ACTN2: variants seen among roughly 807,000 people sequenced by gnomAD.
ACTN2 encodes the protein alpha-actinin-2.
In ACTN2, 39 loss-of-function variants were observed where a neutral mutation model predicts 113.8. That is an observed-to-expected ratio of 0.34 (90% CI 0.27 to 0.45). ACTN2 has a LOEUF of 0.45. Ranked by LOEUF, ACTN2 falls within the 20% of genes least tolerant of loss-of-function variation. ACTN2 has a pLI of 1.00. For synonymous variants in ACTN2, 429 were observed against 444.1 expected (o/e 0.97, Z 0.43); for missense variants, 992 against 1,177.9 (o/e 0.84, Z 2.31).
intron 7 of ACTN2, chr1:236,734,289 T>A: frequency 1.8e-6 from 1 of 545,488 alleles, no homozygotes; most frequent in East Asian, 3.1e-5. Context: ...TGTGACTTCT[T>A]TGATTTGAGC....
intron 20 of ACTN2, 44 bp from the exon 21 acceptor site, chr1:236,762,417 G>C: frequency 6.2e-7 from 1 of 1,611,910 alleles, no homozygotes; most frequent in Non-Finnish European, 8.5e-7. Flanking sequence ...TTATGTTGTG[G>C]TGTTTCTGCA....
Position 236,710,906 on chromosome 1 carries a change from G to A in ACTN2, c.127-6952G>A, listed in dbSNP as rs145970879. 5.3e-5 allele frequency among the ~76,000 whole-genome samples: 8 copies of A among 149,992 alleles called. No homozygotes were observed. In the South Asian group the frequency reaches 1.3e-3, roughly 24 times the overall value. ...CATCCCCCTTCCCTACCCCCCACCC[G>A]TGGAAAAATTGTCTTCCACGAAACC... is the stretch of plus-strand genomic sequence containing the variant. On this transcript the variant is annotated intron_variant, in intron 1 of 20. Coordinates refer to ENST00000366578, the MANE Select transcript of ACTN2 (RefSeq NM_001103.4).
At chr1:236,745,477 C>T (rs1453080667) in intron 12 of ACTN2, among the ~76,000 whole-genome samples, 1 of 152,176 alleles carries the variant, frequency 6.6e-6, no homozygotes, top group Non-Finnish European at 1.5e-5. Context: ...AAAGTGGGCA[C>T]TGCCTCACGT....
rs563533990 is a variant in ACTN2 at position 236,754,274 on chromosome 1, T to C, written c.1974+193T>C. 6.6e-6 allele frequency among the ~76,000 whole-genome samples: 1 copy of C among 152,288 alleles called. No homozygotes were observed. Among genetic ancestry groups the C allele is most frequent in the African/African-American group, 2.4e-5 (1 of 41,568 alleles). On this transcript the variant is annotated intron_variant, in intron 16 of 20. Coordinates refer to ENST00000366578, the MANE Select transcript of ACTN2 (RefSeq NM_001103.4). This position sits in a 1 kb window ranked among gnomAD's most constrained non-coding sequence, Gnocchi z 4.9. ...ACAGTGTGCAAACCAGAGCACAATA[T>C]GGAATGCAGGAAGGCGGCACTCAAG...
At chr1:236,700,492 G>A (rs1657640378) in intron 1 of ACTN2, among the ~76,000 whole-genome samples, 1 of 152,160 alleles carries the variant, frequency 6.6e-6, no homozygotes, top group Non-Finnish European at 1.5e-5. Context: ...AGTCAGTACT[G>A]GTAGTACATT....
At chr1:236,703,962 T>A (rs1377624785) in intron 1 of ACTN2, among the ~76,000 whole-genome samples, 1 of 152,192 alleles carries the variant, frequency 6.6e-6, no homozygotes, top group African/African-American at 2.4e-5. Context: ...TACTTTAGCT[T>A]CTTGATAAAT....
intron 15 of ACTN2, among the ~76,000 whole-genome samples, chr1:236,752,840 G>A (rs10802559): frequency 0.84 from 127,984 of 152,106 alleles, 54,033 homozygotes; most frequent in South Asian, 0.88. Context: ...GGTGTGAGCC[G>A]TCACGCCTGG....
chr1:236,760,446 G>T (rs1659673278), intron 19 of ACTN2, among the ~76,000 whole-genome samples: 1 of 152,202 alleles, frequency 6.6e-6, no homozygotes, highest in African/African-American at 2.4e-5. Flanking sequence ...GATTTTTCAA[G>T]TGCTTTTTCC....
intron 1 of ACTN2, among the ~76,000 whole-genome samples, chr1:236,709,344 G>GTA (rs143270971): frequency 0.11 from 15,351 of 133,584 alleles, 1,232 homozygotes; most frequent in Middle Eastern, 0.2. Context: ...ATATATACGT[G>GTA]TATATATATA....
chr1:236,687,018 G>A (rs1187140832), intron 1 of ACTN2, among the ~76,000 whole-genome samples: 1 of 151,958 alleles, frequency 6.6e-6, no homozygotes, highest in Non-Finnish European at 1.5e-5. Context: ...CGCGCTAGCA[G>A]CATCGGAGGT....
chr1:236,725,002 T>C (rs1012905825), intron 4 of ACTN2, among the ~76,000 whole-genome samples: 2 of 152,202 alleles, frequency 1.3e-5, no homozygotes, highest in African/African-American at 2.4e-5. Flanking sequence ...ACAAACCAGA[T>C]GAATGACAGA....
chr1:236,759,865 C>T (rs1478792888), intron 19 of ACTN2, 76 bp downstream of exon 19: 1 of 1,405,162 alleles, frequency 7.1e-7, no homozygotes, highest in East Asian at 2.3e-5. Context: ...AGATGACAAG[C>T]TCAAACCAAG....
chr1:236,727,836 C>A, intron 6 of ACTN2, 80 bp downstream of exon 6: 1 of 1,409,544 alleles, frequency 7.1e-7, no homozygotes, highest in Non-Finnish European at 1.0e-6. Context: ...TCAGCACTAG[C>A]CTAGCACAAA....
chr1:236,688,683 C>T (rs1665961506), intron 1 of ACTN2, among the ~76,000 whole-genome samples: 1 of 151,970 alleles, frequency 6.6e-6, no homozygotes. Flanking sequence ...GCTTGGGGGG[C>T]AAAAACTACA....
At position 236,747,539 on chromosome 1, in the gene ACTN2, A is replaced by G. The variant is rs75222641; in HGVS notation, c.1407-128A>G. On this transcript the variant is annotated intron_variant, in intron 12 of 20. Coordinates refer to ENST00000366578, the MANE Select transcript of ACTN2 (RefSeq NM_001103.4). Reference sequence around the variant, plus strand: ...TCCACTGTCTATCAGCCCACTCTCTATGTCCATGTGGATACATTTCAGATG... The same window carrying G: ...TCCACTGTCTATCAGCCCACTCTCTGTGTCCATGTGGATACATTTCAGATG... The G allele has an allele frequency of 0.034, 27,447 of 802,704 alleles. 848 individuals carry two copies. Among genetic ancestry groups the G allele is most frequent in the South Asian group, 0.1 (6,665 of 65,542 alleles). 49.7% of individuals were successfully genotyped at this position (802,704 alleles called of 1,614,324 possible). A position where few individuals can be genotyped will look rare whatever the true frequency, so the allele number is the denominator to read the frequency against.
At chr1:236,739,226 T>C in intron 9 of ACTN2, 76 bp from the exon 10 acceptor site, 2 of 1,379,498 alleles carry the variant, frequency 1.4e-6, no homozygotes, top group Non-Finnish European at 2.1e-6. Flanking sequence ...AATTATTGGA[T>C]GCCTCATTTT....
rs763476785 is a variant in ACTN2 at position 236,686,629 on chromosome 1, TCCGAGC to T, written c.-42_-37del. 1.3e-6 allele frequency: 2 copies of T among 1,524,570 alleles called. No homozygotes were observed. The highest frequency in any genetic ancestry group is 1.8e-6 in the Non-Finnish European group (2 of 1,135,892). The allele number at this position is 1,524,570 out of a possible 1,614,324, so 94.4% of individuals were successfully genotyped here. ...GTCCGTTTGCCAGTCAGCCCGTGCGTCCGAGCCCCTCGCGCCCCGCCGCAGCCCCGG... is the reference window on the plus strand; with the variant it reads ...GTCCGTTTGCCAGTCAGCCCGTGCGTCCCTCGCGCCCCGCCGCAGCCCCGG... On this transcript the variant is annotated 5_prime_UTR_variant, in exon 1 of 21. Coordinates refer to ENST00000366578, the MANE Select transcript of ACTN2 (RefSeq NM_001103.4).
intron 10 of ACTN2, among the ~76,000 whole-genome samples, chr1:236,741,513 A>G (rs996456032): frequency 1.5e-4 from 23 of 152,206 alleles, no homozygotes; most frequent in Non-Finnish European, 3.2e-4. Flanking sequence ...AGTAAATTCT[A>G]TCACTGTCCT....
At chr1:236,734,631 G>C (rs750619501) in intron 7 of ACTN2, 1 of 714,216 alleles carries the variant, frequency 1.4e-6, no homozygotes, top group Non-Finnish European at 2.2e-6. Context: ...AGACTGTCTG[G>C]TTCCCAGGAG....
Sources: gnomAD v4.1 joint callset for allele counts (sites outside exome capture counted in the v4.1 genomes callset) on GRCh38, gnomAD v4.1.1 for gene constraint, Gnocchi (gnomAD v3.1) non-coding constraint, MANE v1.5 for transcripts, NCBI Gene and HGNC (gene_info 2026-07-23, HGNC 2026-07-21) for gene names.